TNFSF4: variants seen among roughly 807,000 people sequenced by gnomAD.
TNFSF4 encodes tumor necrosis factor ligand superfamily member 4.
A neutral mutation model predicts 7.3 loss-of-function variants in TNFSF4; 4 were observed. The ratio of observed to expected loss-of-function variants is 0.55; its 90% CI spans 0.27 to 1.25. TNFSF4 has a LOEUF of 1.25. TNFSF4 is among the 50% of genes most tolerant of loss of function. The pLI, the probability that TNFSF4 is intolerant of heterozygous loss-of-function variation, is 0.12. For missense variants in TNFSF4, 181 were observed against 208.8 expected (o/e 0.87, Z 0.82); for synonymous variants, 76 against 83.7 (o/e 0.91, Z 0.50).
chr1:173,211,830 A>G (rs1650383845), upstream of TNFSF4, among the ~76,000 whole-genome samples: 1 of 152,226 alleles, frequency 6.6e-6, no homozygotes, highest in African/African-American at 2.4e-5. Flanking sequence ...CATCTGAATC[A>G]CTAGGAGAAC....
the TNFSF4 span, among the ~76,000 whole-genome samples, chr1:173,271,394 T>C: frequency 1.3e-5 from 2 of 152,158 alleles, no homozygotes; most frequent in African/African-American, 4.8e-5. Flanking sequence ...TACCATTTAT[T>C]AAATAGGGGA....
At chr1:173,193,402 G>A (rs562018373) in intron 1 of TNFSF4, among the ~76,000 whole-genome samples, 1 of 152,124 alleles carries the variant, frequency 6.6e-6, no homozygotes, top group Admixed American at 6.5e-5. Flanking sequence ...GTATAGCCGT[G>A]AATTTTGAAT....
the TNFSF4 span, among the ~76,000 whole-genome samples, chr1:173,359,505 A>G: frequency 9.4e-4 from 118 of 126,054 alleles, no homozygotes; most frequent in African/African-American, 3.4e-3. Context: ...TCTTTTTACC[A>G]GCTGTAAAAA....
At chr1:173,211,531 T>C (rs1189947939), upstream of TNFSF4, among the ~76,000 whole-genome samples, 1 of 152,196 alleles carries the variant, frequency 6.6e-6, no homozygotes, top group Non-Finnish European at 1.5e-5. Context: ...AAGCCCTTCA[T>C]CCTGGCACAG....
the TNFSF4 span, among the ~76,000 whole-genome samples, chr1:173,177,325 A>G: frequency 1.3e-4 from 20 of 152,312 alleles, no homozygotes; most frequent in African/African-American, 4.6e-4. Flanking sequence ...CATTATACTA[A>G]GCAAACTAAT....
At chr1:173,218,318 C>T in the TNFSF4 span, among the ~76,000 whole-genome samples, 47 of 152,294 alleles carry the variant, frequency 3.1e-4, no homozygotes, top group East Asian at 8.1e-3. Context: ...ACTGACCTCT[C>T]TATTTGCTTG....
At chr1:173,362,245 T>A in the TNFSF4 span, among the ~76,000 whole-genome samples, 3 of 152,338 alleles carry the variant, frequency 2.0e-5, no homozygotes, top group East Asian at 1.9e-4. Flanking sequence ...TTTTCTTTTT[T>A]AAAAAAATGC....
At chr1:173,391,310 GTCTC>G in the TNFSF4 span, among the ~76,000 whole-genome samples, 5 of 132,372 alleles carry the variant, frequency 3.8e-5, no homozygotes, top group Admixed American at 1.7e-4. Flanking sequence ...CTTTCTTTCT[GTCTC>G]TCTCTCTCTC....
downstream of TNFSF4, among the ~76,000 whole-genome samples, chr1:173,179,190 A>T (rs1649008531): frequency 6.6e-6 from 1 of 152,210 alleles, no homozygotes; most frequent in Admixed American, 6.5e-5. Flanking sequence ...GAAAACTAAT[A>T]GAGTGTTAGT....
At chr1:173,391,663 C>T in the TNFSF4 span, among the ~76,000 whole-genome samples, 1 of 151,994 alleles carries the variant, frequency 6.6e-6, no homozygotes, top group African/African-American at 2.4e-5. Context: ...TTTCTGATTC[C>T]TCCTCGATCT....
the TNFSF4 span, among the ~76,000 whole-genome samples, chr1:173,421,087 C>T: frequency 1.3e-5 from 2 of 152,206 alleles, no homozygotes; most frequent in Admixed American, 6.5e-5. Flanking sequence ...ACCATCCCTA[C>T]ATGTCACCAC....
the TNFSF4 span, among the ~76,000 whole-genome samples, chr1:173,293,367 T>C: frequency 3.3e-5 from 5 of 151,914 alleles, no homozygotes; most frequent in African/African-American, 1.2e-4. Context: ...AAACAAGCAA[T>C]GAGGAAAAGA....
At chr1:173,206,384 TCTC>T (rs1256879817) in intron 1 of TNFSF4, among the ~76,000 whole-genome samples, 2 of 152,112 alleles carry the variant, frequency 1.3e-5, no homozygotes, top group South Asian at 2.1e-4. Context: ...AGAAGGATAA[TCTC>T]CTACTACATG....
chr1:173,257,995 AAAGT>A, the TNFSF4 span, among the ~76,000 whole-genome samples: 1 of 152,210 alleles, frequency 6.6e-6, no homozygotes, highest in African/African-American at 2.4e-5. Context: ...AGCAGGAGTC[AAAGT>A]AAGTCAGCTT....
chr1:173,428,365 G>C, the TNFSF4 span, among the ~76,000 whole-genome samples: 1 of 152,132 alleles, frequency 6.6e-6, no homozygotes, highest in Non-Finnish European at 1.5e-5. Flanking sequence ...CTGTTACAGA[G>C]GACCACAGGC....
At chr1:173,196,135 C>G (rs1649689474) in intron 1 of TNFSF4, among the ~76,000 whole-genome samples, 1 of 152,118 alleles carries the variant, frequency 6.6e-6, no homozygotes. Context: ...AAGCAGCCCC[C>G]TTACAAAAAG....
At chr1:173,410,106 A>C in the TNFSF4 span, among the ~76,000 whole-genome samples, 1 of 152,130 alleles carries the variant, frequency 6.6e-6, no homozygotes, top group Non-Finnish European at 1.5e-5. Context: ...CTCTACAAAA[A>C]ATCAAAAAAT....
chr1:173,205,724 T>C (rs1241324331), intron 1 of TNFSF4: 3 of 350,706 alleles, frequency 8.6e-6, no homozygotes, highest in African/African-American at 2.2e-5. Context: ...ATCCGGTCGA[T>C]GTCTTGGGCA....
At chr1:173,386,982 C>T in the TNFSF4 span, among the ~76,000 whole-genome samples, 1 of 152,174 alleles carries the variant, frequency 6.6e-6, no homozygotes, top group African/African-American at 2.4e-5. Context: ...ATTGATTTCG[C>T]AGGTTTACAG....
Sources: gnomAD v4.1 joint callset for allele counts (sites outside exome capture counted in the v4.1 genomes callset) on GRCh38, gnomAD v4.1.1 for gene constraint, MANE v1.5 for transcripts, NCBI Gene and HGNC (gene_info 2026-07-23, HGNC 2026-07-21) for gene names.